Variants in TENM2 observed in about 807,000 individuals in gnomAD.
The protein encoded by TENM2 is teneurin-2.
A neutral mutation model predicts 245.2 loss-of-function variants in TENM2; 52 were observed. That is an observed-to-expected ratio of 0.21 (90% CI 0.17 to 0.27). The LOEUF (loss-of-function observed/expected upper bound fraction) is 0.27. TENM2 is among the 10% of genes least tolerant of loss of function. TENM2 has a pLI of 1.00. For synonymous variants in TENM2, 1,363 were observed against 1,438.9 expected, an observed-to-expected ratio of 0.95 and a Z score of 1.19; for missense variants, 3,046 against 3,666.8, an observed-to-expected ratio of 0.83 and a Z score of 4.37.
At chr5:168,260,741 C>T (rs1768110301) in intron 28 of TENM2, among the ~76,000 whole-genome samples, 1 of 152,168 alleles carries the variant, frequency 6.6e-6, no homozygotes, top group Non-Finnish European at 1.5e-5. Flanking sequence ...AAGATCATAA[C>T]CCTTTCAGCT....
chr5:167,801,969 T>C (rs28478904), intron 2 of TENM2, among the ~76,000 whole-genome samples: 1 of 151,910 alleles, frequency 6.6e-6, no homozygotes, highest in African/African-American at 2.4e-5. Context: ...TTCTGAGACT[T>C]CTGGAGACTG....
intron 6 of TENM2, among the ~76,000 whole-genome samples, chr5:168,055,008 A>G (rs1789417702): frequency 6.6e-6 from 1 of 152,132 alleles, no homozygotes; most frequent in African/African-American, 2.4e-5. Context: ...GGAAGCCCCA[A>G]CTCTGGGAGA....
chr5:167,502,454 G>A (rs890257976), intron 2 of TENM2, among the ~76,000 whole-genome samples: 1 of 152,008 alleles, frequency 6.6e-6, no homozygotes, highest in African/African-American at 2.4e-5. Flanking sequence ...CTGTTTATTT[G>A]CCTCATTTTC....
chr5:166,991,443 G>A, the TENM2 span, among the ~76,000 whole-genome samples: 1 of 151,608 alleles, frequency 6.6e-6, no homozygotes, highest in African/African-American at 2.4e-5. Flanking sequence ...AGTTATCCTT[G>A]TTTCAGACCT....
At chr5:167,397,807 A>T (rs993155931) in intron 2 of TENM2, among the ~76,000 whole-genome samples, 7 of 152,332 alleles carry the variant, frequency 4.6e-5, no homozygotes, top group Middle Eastern at 3.4e-3. Flanking sequence ...ATTCGCATCA[A>T]GAAAAAGTCT....
chr5:167,419,129 GTAGATAGA>G (rs55794859), intron 2 of TENM2, among the ~76,000 whole-genome samples: 10 of 150,280 alleles, frequency 6.7e-5, no homozygotes, highest in African/African-American at 2.2e-4. Flanking sequence ...AGATGTGTAT[GTAGATAGA>G]TAGATAGATA....
In TENM2 at chr5:168,058,693, T is replaced by C. The variant is rs191435242; in HGVS notation, c.1310-3367T>C. Among the ~76,000 whole-genome samples, 371 of 152,328 alleles carry C rather than the reference T, an allele frequency of 2.4e-3. 2 individuals are homozygous for C. Among genetic ancestry groups the C allele is most frequent in the Middle Eastern group, 3.4e-3 (1 of 294 alleles). ...ATACAAATAGACATTTAGACATTCA[T>C]GTATATTGCATGTGCCCACACTATT... is the stretch of plus-strand genomic sequence containing the variant. On this transcript the variant is annotated intron_variant, in intron 6 of 28. Transcript: ENST00000518659.
intron 20 of TENM2, among the ~76,000 whole-genome samples, chr5:168,214,544 G>T (rs1381573844): frequency 6.6e-6 from 1 of 152,192 alleles, no homozygotes; most frequent in Non-Finnish European, 1.5e-5. Context: ...CGGTTATGGG[G>T]TGCTTCCCAT....
At chr5:167,207,911 GCCCAGC>G in the TENM2 span, among the ~76,000 whole-genome samples, 2 of 152,026 alleles carry the variant, frequency 1.3e-5, no homozygotes, top group Non-Finnish European at 2.9e-5. Context: ...GCGCCAATGT[GCCCAGC>G]TAATTTTTGT....
chr5:167,519,330 T>G (rs1316520591), intron 2 of TENM2, among the ~76,000 whole-genome samples: 1 of 152,158 alleles, frequency 6.6e-6, no homozygotes, highest in Non-Finnish European at 1.5e-5. Flanking sequence ...ACTAAATGTG[T>G]GTCGACCGGT....
chr5:168,201,406 G>C (rs913603038), intron 17 of TENM2, among the ~76,000 whole-genome samples: 1 of 151,562 alleles, frequency 6.6e-6, no homozygotes, highest in African/African-American at 2.4e-5. Context: ...TTAAAAAGTA[G>C]ACTAAATATT....
At chr5:168,044,601 G>A (rs1361614924) in intron 5 of TENM2, among the ~76,000 whole-genome samples, 3 of 151,668 alleles carry the variant, frequency 2.0e-5, no homozygotes, top group Admixed American at 1.3e-4. Context: ...AAATATTGAT[G>A]GAGTGCCATT....
intron 5 of TENM2, among the ~76,000 whole-genome samples, chr5:168,034,123 A>G (rs758870515): frequency 3.9e-4 from 29 of 73,710 alleles, no homozygotes; most frequent in South Asian, 8.7e-4. Context: ...ATATATGTGT[A>G]TATATATATA....
At chr5:167,997,382 G>A (rs1784130842) in intron 5 of TENM2, among the ~76,000 whole-genome samples, 1 of 152,204 alleles carries the variant, frequency 6.6e-6, no homozygotes, top group South Asian at 2.1e-4. Context: ...TAGAGTAGTT[G>A]GTTCCTGCTT....
Position 167,894,874 on chromosome 5 carries a change from G to A in TENM2, c.712+18679G>A, listed in dbSNP as rs1054917416. ...AAAATGTTTCTTTTGTTTTATTCTC[G>A]TAACTTACTAGAAGCTAAGAGGTTG... is the stretch of plus-strand genomic sequence containing the variant. On this transcript the variant is annotated intron_variant, in intron 3 of 28. Coordinates refer to ENST00000518659, the Ensembl canonical transcript of TENM2. Among the ~76,000 whole-genome samples the A allele has an allele frequency of 5.5e-4, 82 of 149,422 alleles. 1 individual carries two copies. Among genetic ancestry groups the A allele is most frequent in the Middle Eastern group, 3.4e-3 (1 of 290 alleles).
intron 12 of TENM2, among the ~76,000 whole-genome samples, chr5:168,148,136 G>A (rs1442178294): frequency 6.6e-6 from 1 of 152,208 alleles, no homozygotes; most frequent in Non-Finnish European, 1.5e-5. Context: ...GTTAGCAGCT[G>A]AGTACCAGCT....
intron 2 of TENM2, among the ~76,000 whole-genome samples, chr5:167,417,394 C>A (rs1276817495): frequency 6.6e-6 from 1 of 152,160 alleles, no homozygotes; most frequent in Non-Finnish European, 1.5e-5. Flanking sequence ...CCAGTAGAAC[C>A]TATATATACT....
intron 25 of TENM2, among the ~76,000 whole-genome samples, chr5:168,238,108 G>A (rs987717356): frequency 7.1e-6 from 1 of 141,592 alleles, no homozygotes; most frequent in Non-Finnish European, 1.5e-5. Flanking sequence ...TTGCGCCACT[G>A]CACTACAGCC....
At chr5:168,000,033 G>A (rs946610046) in intron 5 of TENM2, among the ~76,000 whole-genome samples, 5 of 152,188 alleles carry the variant, frequency 3.3e-5, no homozygotes, top group African/African-American at 9.7e-5. Flanking sequence ...CCTTGCCCTA[G>A]ACTTTCTCTC....
Sources: allele counts gnomAD v4.1 joint callset (sites outside exome capture counted in the v4.1 genomes callset), GRCh38; gene constraint gnomAD v4.1.1; transcripts MANE v1.5; gene names NCBI Gene and HGNC (gene_info 2026-07-23, HGNC 2026-07-21).